Variants in DEPTOR observed in about 807,000 individuals in gnomAD.
DEPTOR encodes the protein DEP domain containing MTOR interacting protein, also known as DEP domain-containing mTOR-interacting protein.
Under a neutral mutation model 41.6 loss-of-function variants are expected in DEPTOR, and 41 were observed. The observed-to-expected ratio is 0.98, with a 90% CI of 0.77 to 1.28. The LOEUF (loss-of-function observed/expected upper bound fraction) is 1.28, where lower values mean the gene tolerates loss of function less well. DEPTOR is among the 50% of genes most tolerant of loss of function. DEPTOR has a pLI of 0.00. For synonymous variants in DEPTOR, 195 were observed against 192.3 expected (o/e 1.01, Z -0.12); for missense variants, 514 against 527.9 (o/e 0.97, Z 0.26).
At chr8:119,930,322 CGTCTTCTGGGTTCAA>C (rs969706774) in intron 3 of DEPTOR, among the ~76,000 whole-genome samples, 5 of 151,982 alleles carry the variant, frequency 3.3e-5, no homozygotes, top group African/African-American at 1.2e-4. Flanking sequence ...CTGCAACCTC[CGTCTTCTGGGTTCAA>C]GTGATTCTCG....
At position 119,929,881 on chromosome 8, in the gene DEPTOR, C is replaced by A; in HGVS notation, c.368C>A (p.Thr123Asn). The stretch of plus-strand genomic sequence containing the variant: ...TACCGCTTTAGAAAGGATGACGGCA[C>A]CTTCCCATTGGATAATGAAGTGAAG... The part of the protein sequence containing the change: ...LFYRFRKDDG[T>N]FPLDNEVKAF... The change falls in exon 3 of 9, where the codon ACC becomes AAC. Residue 123 changes from threonine to asparagine, a missense_variant. Thr to Asn is a moderately conservative substitution (Grantham distance 65). Coordinates refer to ENST00000286234, the MANE Select transcript of DEPTOR (RefSeq NM_022783.4). The A allele has an allele frequency of 6.2e-7, 1 of 1,613,810 alleles. No individual in the cohort carries two copies.
chr8:120,032,217 T>C (rs940174245), intron 8 of DEPTOR, among the ~76,000 whole-genome samples: 13 of 107,016 alleles, frequency 1.2e-4, no homozygotes, highest in Middle Eastern at 4.0e-3. Flanking sequence ...CTTTCTTTTT[T>C]TTTTTTTTTT....
At chr8:120,026,362 G>A (rs1195302764) in intron 8 of DEPTOR, among the ~76,000 whole-genome samples, 2 of 151,016 alleles carry the variant, frequency 1.3e-5, no homozygotes, top group African/African-American at 4.9e-5. Flanking sequence ...TTTTTTTTGA[G>A]ATGGAGTTTT....
chr8:119,978,499 T>C (rs1828724329), intron 4 of DEPTOR, among the ~76,000 whole-genome samples: 1 of 152,164 alleles, frequency 6.6e-6, no homozygotes, highest in South Asian at 2.1e-4. Flanking sequence ...ATCATACTCG[T>C]CAATGGGAGG....
intron 4 of DEPTOR, among the ~76,000 whole-genome samples, chr8:119,989,820 C>A (rs1812121982): frequency 6.6e-6 from 1 of 152,164 alleles, no homozygotes; most frequent in Admixed American, 6.5e-5. Context: ...CATTGCTGGT[C>A]TTGAACAGTA....
chr8:119,875,978 G>A (rs530901390), intron 1 of DEPTOR, among the ~76,000 whole-genome samples: 95 of 152,284 alleles, frequency 6.2e-4, no homozygotes, highest in African/African-American at 2.3e-3. Flanking sequence ...AGCCTACTGT[G>A]GGAAAGAAAG....
rs543819731 is a variant in DEPTOR, at chr8:119,927,684, C to T, written c.123-716C>T. Among the ~76,000 whole-genome samples the T allele has an allele frequency of 8.6e-5, 13 of 151,748 alleles. No homozygotes were observed. In the East Asian group the frequency reaches 2.5e-3, roughly 29 times the overall value. ...AGTGCAATGGCACGATCTCAGCTCA[C>T]TGCAACCTCCACCTCCCAGGTTCAA... On this transcript the variant is annotated intron_variant, in intron 1 of 8. Transcript: ENST00000286234.
chr8:119,910,987 G>A (rs554478304), intron 1 of DEPTOR, among the ~76,000 whole-genome samples: 15 of 152,196 alleles, frequency 9.9e-5, no homozygotes, highest in South Asian at 2.1e-4. Context: ...CCATCACTGC[G>A]TCTGAGATTT....
intron 8 of DEPTOR, among the ~76,000 whole-genome samples, chr8:120,027,158 C>T (rs1445394030): frequency 2.0e-5 from 3 of 151,122 alleles, no homozygotes; most frequent in Non-Finnish European, 2.9e-5. Flanking sequence ...ACGGAGGTTG[C>T]GGTGAGCCGA....
chr8:120,007,277 G>C (rs920760936), intron 7 of DEPTOR, among the ~76,000 whole-genome samples: 1 of 152,128 alleles, frequency 6.6e-6, no homozygotes, highest in South Asian at 2.1e-4. Context: ...TGCAAATGAT[G>C]CCAATAATCC....
chr8:120,042,905 A>T (rs1256545026), intron 8 of DEPTOR, among the ~76,000 whole-genome samples: 1 of 151,234 alleles, frequency 6.6e-6, no homozygotes, highest in Non-Finnish European at 1.5e-5. Context: ...GCTGGAGTGC[A>T]GTAGTGCAAT....
intron 8 of DEPTOR, among the ~76,000 whole-genome samples, chr8:120,028,090 C>T (rs1447470472): frequency 2.6e-5 from 4 of 152,120 alleles, no homozygotes; most frequent in Admixed American, 6.6e-5. Context: ...CAAATTCAAA[C>T]GGAAGGTGGT....
chr8:119,929,674 T>A, intron 2 of DEPTOR, 141 bp from the exon 3 acceptor site: 1 of 1,128,730 alleles, frequency 8.9e-7, no homozygotes, highest in Non-Finnish European at 1.2e-6. Context: ...ATTTTACAAG[T>A]ATTAGCTCAT....
chr8:120,028,302 T>C (rs1344520753), intron 8 of DEPTOR, among the ~76,000 whole-genome samples: 1 of 150,342 alleles, frequency 6.7e-6, no homozygotes, highest in Non-Finnish European at 1.5e-5. Flanking sequence ...ATTACAGACA[T>C]GAGCCACTAC....
At chr8:120,042,740 G>A (rs1413967041) in intron 8 of DEPTOR, among the ~76,000 whole-genome samples, 1 of 151,868 alleles carries the variant, frequency 6.6e-6, no homozygotes, top group Non-Finnish European at 1.5e-5. Context: ...AGCTGGTCTC[G>A]AACTCCTGAC....
At chr8:119,981,442 G>T (rs1392349910) in intron 4 of DEPTOR, among the ~76,000 whole-genome samples, 1 of 151,898 alleles carries the variant, frequency 6.6e-6, no homozygotes, top group Non-Finnish European at 1.5e-5. Context: ...AATCGTTTGA[G>T]GCCAGGAATT....
At chr8:119,981,726 T>C (rs533427048) in intron 4 of DEPTOR, among the ~76,000 whole-genome samples, 2 of 150,754 alleles carry the variant, frequency 1.3e-5, no homozygotes, top group South Asian at 4.2e-4. Flanking sequence ...CTTAAATTCC[T>C]AGTCTTCAGG....
At chr8:119,929,329 T>C (rs116055756) in intron 2 of DEPTOR, among the ~76,000 whole-genome samples, 1,808 of 152,320 alleles carry the variant, frequency 0.012, 35 homozygotes, top group African/African-American at 0.041. Flanking sequence ...AGGGAAGCTT[T>C]CTTTTTCAAA....
intron 4 of DEPTOR, among the ~76,000 whole-genome samples, chr8:119,991,054 C>G (rs1812155727): frequency 3.9e-5 from 1 of 25,848 alleles, no homozygotes; most frequent in African/African-American, 1.5e-4. Context: ...TTCTTTCTTT[C>G]TTTCTTTCTT....
Sources: gnomAD v4.1 joint callset for allele counts (sites outside exome capture counted in the v4.1 genomes callset) on GRCh38, gnomAD v4.1.1 for gene constraint, MANE v1.5 for transcripts, NCBI Gene and HGNC (gene_info 2026-07-23, HGNC 2026-07-21) for gene names.